Variants in HSPA4L observed in about 807,000 individuals in gnomAD.
The protein encoded by HSPA4L is heat shock 70 kDa protein 4L.
In HSPA4L, 48 loss-of-function variants were observed where a neutral mutation model predicts 100.3. The observed-to-expected ratio is 0.48, with a 90% CI of 0.38 to 0.61. The LOEUF is 0.61. Ranked by LOEUF, HSPA4L falls within the 20% of genes least tolerant of loss-of-function variation. The pLI, the probability that HSPA4L is intolerant of heterozygous loss-of-function variation, is 0.00. For missense variants in HSPA4L, 886 were observed against 988.6 expected, an observed-to-expected ratio of 0.90 and a Z score of 1.39; for synonymous variants, 319 against 328.2, an observed-to-expected ratio of 0.97 and a Z score of 0.30.
chr4:127,793,684 G>C (rs572856104), intron 1 of HSPA4L, among the ~76,000 whole-genome samples: 6 of 152,274 alleles, frequency 3.9e-5, no homozygotes, highest in South Asian at 4.1e-4. Context: ...AGAAGCTGAA[G>C]CACCCAGTGG....
Position 127,833,025 on chromosome 4 carries a change from G to A in HSPA4L, c.*151G>A. ...AGTTTTGAAAAGTGTTTTATATTGAGTGCACTTCTGTTCATTTCCATTGCT... is the reference window on the plus strand; with the variant it reads ...AGTTTTGAAAAGTGTTTTATATTGAATGCACTTCTGTTCATTTCCATTGCT... On this transcript the variant is annotated 3_prime_UTR_variant, in exon 19 of 19. Transcript: ENST00000296464. 5.9e-6 allele frequency: 3 copies of A among 511,400 alleles called. No individual in the cohort carries two copies. The highest frequency in any genetic ancestry group is 6.7e-6 in the Non-Finnish European group (2 of 296,366). 31.7% of individuals were successfully genotyped at this position (511,400 alleles called of 1,614,324 possible).
rs532459413 is a variant in HSPA4L, at chr4:127,793,043, G to C, written c.108-1034G>C. ...TGGACCATGAAAGGCCTTATTGGCT[G>C]TTAGGGGGACCCAAGCTTTTACTTT... On this transcript the variant is annotated intron_variant, in intron 1 of 18. Transcript: ENST00000296464. 3.3e-5 allele frequency among the ~76,000 whole-genome samples: 5 copies of C among 152,300 alleles called. No individual in the cohort carries two copies. In the South Asian group the frequency reaches 1.0e-3, roughly 32 times the overall value.
chr4:127,793,214 C>G (rs892236703), intron 1 of HSPA4L, among the ~76,000 whole-genome samples: 1 of 152,160 alleles, frequency 6.6e-6, no homozygotes, highest in African/African-American at 2.4e-5. Flanking sequence ...TTCTGCAAGA[C>G]AAATAGATAT....
At chr4:127,827,167 T>C in intron 16 of HSPA4L, 138 bp from the exon 17 acceptor site, 1 of 650,924 alleles carries the variant, frequency 1.5e-6, no homozygotes, top group Non-Finnish European at 2.6e-6. Context: ...GTAACTTGCT[T>C]CCATACAGGA....
chr4:127,799,085 C>CT (rs766987569), intron 4 of HSPA4L, among the ~76,000 whole-genome samples: 4 of 152,254 alleles, frequency 2.6e-5, no homozygotes, highest in East Asian at 3.9e-4. Context: ...AAAAAAAGAT[C>CT]TTTAAGGATT....
At chr4:127,796,382 AC>A (rs1733021946) in intron 3 of HSPA4L, among the ~76,000 whole-genome samples, 1 of 152,078 alleles carries the variant, frequency 6.6e-6, no homozygotes, top group Non-Finnish European at 1.5e-5. Flanking sequence ...GTTAACCAAA[AC>A]ATGTTTGTGC....
intron 11 of HSPA4L, 115 bp downstream of exon 11, chr4:127,808,244 AAGAT>A: frequency 1.2e-6 from 1 of 823,104 alleles, no homozygotes; most frequent in South Asian, 2.0e-5. Flanking sequence ...CTTTTAAAGA[AAGAT>A]ATTTATACTC....
At chr4:127,812,917 T>A in intron 12 of HSPA4L, 7 of 842,428 alleles carry the variant, frequency 8.3e-6, no homozygotes, top group Non-Finnish European at 1.4e-5. Flanking sequence ...GTGCTTAATG[T>A]GCTCAATACG....
chr4:127,820,057 T>G (rs1262417214), intron 13 of HSPA4L, among the ~76,000 whole-genome samples: 1 of 152,162 alleles, frequency 6.6e-6, no homozygotes, highest in African/African-American at 2.4e-5. Flanking sequence ...ATCTTGAACA[T>G]TTTGAGGAAC....
At position 127,803,660 on chromosome 4, in the gene HSPA4L, G is replaced by C; in HGVS notation, c.695G>C (p.Gly232Ala). ...GCTACTACCTTTGATCCATATTTGG[G>C]TGGCAGGAACTTTGATGAGGCTTTA... The part of the protein sequence containing the change: ...VLATTFDPYL[G>A]GRNFDEALVD... The change falls in exon 7 of 19, where the codon GGT becomes GCT. Residue 232 changes from glycine (G) to alanine (A), a missense_variant. Physicochemically the swap from Gly to Ala is moderately conservative, Grantham distance 60 (BLOSUM62 0). Transcript: ENST00000296464. 1.2e-6 allele frequency: 2 copies of C among 1,613,372 alleles called. No homozygotes were observed. The highest frequency in any genetic ancestry group is 1.7e-6 in the Non-Finnish European group (2 of 1,179,738).
chr4:127,811,305 A>G (rs1012571160), intron 11 of HSPA4L, 132 bp from the exon 12 acceptor site: 45 of 666,370 alleles, frequency 6.8e-5, no homozygotes, highest in Non-Finnish European at 1.1e-4. Flanking sequence ...ATAGTGATCA[A>G]TCAGGATATG....
intron 12 of HSPA4L, among the ~76,000 whole-genome samples, chr4:127,813,712 G>A (rs1186277724): frequency 2.0e-5 from 3 of 152,182 alleles, no homozygotes; most frequent in Admixed American, 6.5e-5. Flanking sequence ...GCACAATCTC[G>A]GCCCACTACA....
intron 8 of HSPA4L, among the ~76,000 whole-genome samples, chr4:127,804,661 T>A (rs956242654): frequency 6.6e-6 from 1 of 151,688 alleles, no homozygotes; most frequent in Non-Finnish European, 1.5e-5. Context: ...ATGCTAGTTC[T>A]ATTTGGAAGT....
intron 10 of HSPA4L, among the ~76,000 whole-genome samples, chr4:127,806,170 A>C (rs368432745): frequency 6.6e-6 from 1 of 152,048 alleles, no homozygotes; most frequent in Non-Finnish European, 1.5e-5. Context: ...TCTTAGGTAC[A>C]TATAGAATTA....
intron 11 of HSPA4L, chr4:127,809,338 C>A: frequency 1.7e-6 from 2 of 1,146,972 alleles, no homozygotes. Flanking sequence ...TGGGATCACG[C>A]TGAGCCGCAG....
At chr4:127,815,637 A>G (rs909522512) in intron 12 of HSPA4L, among the ~76,000 whole-genome samples, 2 of 151,926 alleles carry the variant, frequency 1.3e-5, no homozygotes, top group Non-Finnish European at 2.9e-5. Context: ...ATTTACTTCT[A>G]TTTATTTTTT....
In HSPA4L at chr4:127,833,131, A is replaced by C. The variant is rs569763285; in HGVS notation, c.*257A>C. ...TAATTTTATATATCAAACATACAGG[A>C]TGGATACATAGTTGGCAACAGTCTA... On this transcript the variant is annotated 3_prime_UTR_variant, in exon 19 of 19. Coordinates refer to ENST00000296464, the MANE Select transcript of HSPA4L (RefSeq NM_014278.4). 2 of 303,784 alleles carry C rather than the reference A, an allele frequency of 6.6e-6. No homozygotes were observed. Among genetic ancestry groups the C allele is most frequent in the Admixed American group, 1.0e-4 (2 of 19,822 alleles). The allele number at this position is 303,784 out of a possible 1,614,324, so 18.8% of individuals were successfully genotyped here. A position where few individuals can be genotyped will look rare whatever the true frequency, so the allele number is the denominator to read the frequency against.
chr4:127,805,277 T>C (rs1179380010), intron 9 of HSPA4L, 53 bp downstream of exon 9: 3 of 1,441,332 alleles, frequency 2.1e-6, no homozygotes, highest in African/African-American at 1.4e-5. Context: ...AAATGAGTGA[T>C]AGATCCAAAG....
chr4:127,795,023 C>G (rs1344820294), intron 2 of HSPA4L, among the ~76,000 whole-genome samples: 3 of 151,928 alleles, frequency 2.0e-5, no homozygotes, highest in Non-Finnish European at 4.4e-5. Flanking sequence ...CACTATGCTA[C>G]ATGGAAGGGA....
Sources: gnomAD v4.1 joint callset for allele counts (sites outside exome capture counted in the v4.1 genomes callset) on GRCh38, gnomAD v4.1.1 for gene constraint, MANE v1.5 for transcripts, NCBI Gene and HGNC (gene_info 2026-07-23, HGNC 2026-07-21) for gene names.